The following CFAP97D2 variants were observed in gnomAD, a reference collection of about 807,000 sequenced individuals.
CFAP97D2 encodes the protein CFAP97 domain containing 2.
At chr13:114,188,789 AAAG>A (rs1435369970) in intron 1 of CFAP97D2, among the ~76,000 whole-genome samples, 2 of 150,938 alleles carry the variant, frequency 1.3e-5, no homozygotes, top group Admixed American at 6.6e-5. Flanking sequence ...AAAAAAAAAA[AAAG>A]AAACTCAAAA....
intron 1 of CFAP97D2, among the ~76,000 whole-genome samples, chr13:114,193,773 G>C (rs1011293630): frequency 6.6e-6 from 1 of 152,186 alleles, no homozygotes; most frequent in African/African-American, 2.4e-5. Context: ...CAGTGCTGGA[G>C]GCTGGGAAGT....
At chr13:114,182,370 A>G (rs530595266) in intron 1 of CFAP97D2, among the ~76,000 whole-genome samples, 7 of 152,290 alleles carry the variant, frequency 4.6e-5, no homozygotes, top group Middle Eastern at 3.4e-3. Context: ...ACAAATGTAC[A>G]ATCGGGTTTT....
chr13:114,179,306 T>G (rs7983872), upstream of CFAP97D2: 237,723 of 398,454 alleles, frequency 0.6, 74,186 homozygotes, highest in African/African-American at 0.87. The surrounding 1 kb of genome is among the most constrained non-coding windows in gnomAD (Gnocchi z 4.8). Flanking sequence ...CTGTCTGGAA[T>G]GAGCAAGACG....
intron 1 of CFAP97D2, among the ~76,000 whole-genome samples, chr13:114,191,398 A>T (rs1260069783): frequency 6.6e-6 from 1 of 152,254 alleles, no homozygotes; most frequent in Non-Finnish European, 1.5e-5. Flanking sequence ...TCCAAAATAC[A>T]TAAAGAACTC....
intron 1 of CFAP97D2, among the ~76,000 whole-genome samples, chr13:114,194,773 T>C (rs2080880109): frequency 6.6e-6 from 1 of 152,200 alleles, no homozygotes; most frequent in African/African-American, 2.4e-5. Flanking sequence ...CAACATCAGA[T>C]AACATTAAGG....
chr13:114,215,898 G>A (rs2080991456), intron 4 of CFAP97D2: 1 of 152,214 alleles, frequency 6.6e-6, no homozygotes, highest in Non-Finnish European at 1.5e-5. Flanking sequence ...AATTCCATCT[G>A]TGGGCTGGGC....
rs2080856804 is a variant in CFAP97D2 at position 114,187,774 on chromosome 13, A to G, written c.90+8354A>G. Among the ~76,000 whole-genome samples the G allele has an allele frequency of 6.6e-6, 1 of 152,234 alleles. No homozygotes were observed. Among genetic ancestry groups the G allele is most frequent in the African/African-American group, 2.4e-5 (1 of 41,462 alleles). ...ATAATTGATATCTATCATCCAATTC[A>G]TCCAGCAACAGGATAATACTCATTC... On this transcript the variant is annotated intron_variant, in intron 1 of 4. Coordinates refer to ENST00000646158, the Ensembl canonical transcript of CFAP97D2. The surrounding 1 kb of genome is among the most constrained non-coding windows in gnomAD (Gnocchi z 4.2).
intron 2 of CFAP97D2, among the ~76,000 whole-genome samples, chr13:114,197,300 T>G (rs1179634892): frequency 6.6e-6 from 1 of 152,216 alleles, no homozygotes; most frequent in Non-Finnish European, 1.5e-5. Flanking sequence ...ACACCTGCTA[T>G]CTATCATGTT....
chr13:114,195,837 C>T (rs1278565137), intron 1 of CFAP97D2, among the ~76,000 whole-genome samples: 6 of 150,794 alleles, frequency 4.0e-5, no homozygotes, highest in African/African-American at 9.8e-5. Context: ...TTTGGGAGGC[C>T]GAGGCAGGTG....
intron 3 of CFAP97D2, among the ~76,000 whole-genome samples, chr13:114,201,787 T>C (rs1274396159): frequency 6.6e-6 from 1 of 152,230 alleles, no homozygotes; most frequent in Non-Finnish European, 1.5e-5. Flanking sequence ...TAAACATATC[T>C]AGCTAGCTGG....
At chr13:114,182,507 T>G (rs180694851) in intron 1 of CFAP97D2, among the ~76,000 whole-genome samples, 7,137 of 146,276 alleles carry the variant, frequency 0.049, 326 homozygotes, top group Middle Eastern at 0.12. Context: ...CGGGCTGGGG[T>G]ACAGTCAGGT....
intron 4 of CFAP97D2, among the ~76,000 whole-genome samples, chr13:114,218,646 C>T (rs1256368685): frequency 6.6e-6 from 1 of 152,130 alleles, no homozygotes; most frequent in African/African-American, 2.4e-5. Context: ...GCTACAGTAA[C>T]CAAAACAGCA....
At chr13:114,184,794 C>T (rs375625041) in intron 1 of CFAP97D2, among the ~76,000 whole-genome samples, 73 of 152,282 alleles carry the variant, frequency 4.8e-4, no homozygotes, top group African/African-American at 1.7e-3. Context: ...AGGAAACCAT[C>T]AGAGCAGGAA....
At chr13:114,195,066 C>T (rs552197050) in intron 1 of CFAP97D2, among the ~76,000 whole-genome samples, 74 of 152,314 alleles carry the variant, frequency 4.9e-4, no homozygotes, top group South Asian at 4.3e-3. Flanking sequence ...CACACATGTA[C>T]ACCGCACCTG....
chr13:114,207,398 G>T lies in CFAP97D2; in HGVS notation c.291-4514G>T, dbSNP rs1213281764. Among the ~76,000 whole-genome samples the T allele has an allele frequency of 6.6e-6, 1 of 152,116 alleles. No individual in the cohort carries two copies. Among genetic ancestry groups the T allele is most frequent in the Non-Finnish European group, 1.5e-5 (1 of 68,014 alleles). On this transcript the variant is annotated intron_variant, in intron 3 of 4. Transcript: ENST00000646158. The surrounding 1 kb of genome is among the most constrained non-coding windows in gnomAD (Gnocchi z 4.9). ...TCAACATCATGTAGAATCAGTGGGAGCCCTGAGTTTGTTTTCCTGCAACTA... is the reference window on the plus strand; with the variant it reads ...TCAACATCATGTAGAATCAGTGGGATCCCTGAGTTTGTTTTCCTGCAACTA...
chr13:114,213,016 C>CA (rs1371561287), intron 4 of CFAP97D2, among the ~76,000 whole-genome samples: 2 of 152,150 alleles, frequency 1.3e-5, no homozygotes, highest in African/African-American at 4.8e-5. Flanking sequence ...TTCAAATTGA[C>CA]AAAATTGTAA....
chr13:114,204,618 T>C (rs2080931588), intron 3 of CFAP97D2, among the ~76,000 whole-genome samples: 1 of 152,216 alleles, frequency 6.6e-6, no homozygotes, highest in Admixed American at 6.5e-5. Context: ...GAGACAACTC[T>C]ATCGCCACAT....
intron 1 of CFAP97D2, among the ~76,000 whole-genome samples, chr13:114,181,042 G>C (rs1013990261): frequency 2.6e-5 from 4 of 152,234 alleles, no homozygotes; most frequent in African/African-American, 9.6e-5. Flanking sequence ...TGGGTCCAAG[G>C]ATGGAGTCAT....
intron 1 of CFAP97D2, among the ~76,000 whole-genome samples, chr13:114,181,918 G>A (rs190745644): frequency 6.6e-5 from 10 of 152,242 alleles, no homozygotes; most frequent in Admixed American, 2.6e-4. Context: ...GCCTGAAGGG[G>A]TGGCCTGCCC....
Sources: allele counts gnomAD v4.1 joint callset (sites outside exome capture counted in the v4.1 genomes callset), GRCh38; gene constraint gnomAD v4.1.1; non-coding constraint Gnocchi (gnomAD v3.1); transcripts MANE v1.5; gene names NCBI Gene and HGNC (gene_info 2026-07-23, HGNC 2026-07-21).